DCBLD2: variants seen among roughly 807,000 people sequenced by gnomAD.
DCBLD2 encodes the protein discoidin, CUB and LCCL domain-containing protein 2.
DCBLD2 carries 54 observed loss-of-function variants against 86.8 expected under a neutral mutation model. The observed-to-expected ratio is 0.62, with a 90% CI of 0.50 to 0.78. The LOEUF (loss-of-function observed/expected upper bound fraction) is 0.78, where lower values mean the gene tolerates loss of function less well. Ranked by LOEUF, DCBLD2 falls within the 30% of genes least tolerant of loss-of-function variation. The pLI is 0.00. For missense variants in DCBLD2, 908 were observed against 954.2 expected (o/e 0.95, Z 0.64); for synonymous variants, 354 against 341.3 (o/e 1.04, Z -0.41).
intron 3 of DCBLD2, among the ~76,000 whole-genome samples, chr3:98,838,407 T>C (rs1201107309): frequency 4.1e-5 from 4 of 97,804 alleles, no homozygotes; most frequent in African/African-American, 1.2e-4. Context: ...ACATCCCAGA[T>C]GGGGCGGCGG....
chr3:98,813,724 T>C (rs1941979248), intron 9 of DCBLD2: 2 of 152,174 alleles, frequency 1.3e-5, no homozygotes, highest in Non-Finnish European at 2.9e-5. Context: ...AAATAATCCC[T>C]AGGTAAAAAT....
At chr3:98,863,719 G>C (rs1943088667) in intron 2 of DCBLD2, among the ~76,000 whole-genome samples, 1 of 152,078 alleles carries the variant, frequency 6.6e-6, no homozygotes, top group African/African-American at 2.4e-5. Flanking sequence ...AACTCAAGAT[G>C]GATTAAAGAC....
At chr3:98,877,248 T>A (rs1943388130) in intron 2 of DCBLD2, among the ~76,000 whole-genome samples, 1 of 152,030 alleles carries the variant, frequency 6.6e-6, no homozygotes, top group Non-Finnish European at 1.5e-5. Context: ...TTCAAATGAG[T>A]AACATAACCA....
At chr3:98,839,919 C>A (rs1177484925) in intron 3 of DCBLD2, among the ~76,000 whole-genome samples, 1 of 152,132 alleles carries the variant, frequency 6.6e-6, no homozygotes, top group Non-Finnish European at 1.5e-5. Context: ...CTCTTAAAAT[C>A]GGTGAGGGAG....
At chr3:98,900,672 G>C (rs189492849) in intron 1 of DCBLD2, 6 of 182,508 alleles carry the variant, frequency 3.3e-5, no homozygotes, top group Admixed American at 2.8e-4. Flanking sequence ...TATTCCATTC[G>C]CTTCAGAACC....
chr3:98,901,369 C>A lies in DCBLD2; in HGVS notation c.-43G>T. 1.5e-5 allele frequency: 19 copies of A among 1,279,732 alleles called. No homozygotes were observed. The highest frequency in any genetic ancestry group is 1.8e-5 in the Non-Finnish European group (18 of 1,020,044). 79.3% of individuals were successfully genotyped at this position (1,279,732 alleles called of 1,614,324 possible). A position where few individuals can be genotyped will look rare whatever the true frequency, so the allele number is the denominator to read the frequency against. On this transcript the variant is annotated 5_prime_UTR_variant, in exon 1 of 16. Transcript: ENST00000326840. ...TGCCTGCATAGTGCGGGTGCCTCGG[C>A]AGCCCCGCGCGCCTCTGGCCGCGGC...
At chr3:98,808,489 T>A (rs1160097601) in intron 12 of DCBLD2, among the ~76,000 whole-genome samples, 2 of 152,180 alleles carry the variant, frequency 1.3e-5, no homozygotes, top group Non-Finnish European at 2.9e-5. Flanking sequence ...AGAGTTACTT[T>A]AAATAATTAT....
At chr3:98,838,452 G>C (rs1304063904) in intron 3 of DCBLD2, among the ~76,000 whole-genome samples, 4 of 136,336 alleles carry the variant, frequency 2.9e-5, no homozygotes, top group Admixed American at 7.3e-5. Flanking sequence ...GACGATGGGC[G>C]GCCGGGCAGA....
At chr3:98,853,365 T>C (rs936822682) in intron 2 of DCBLD2, among the ~76,000 whole-genome samples, 8 of 152,240 alleles carry the variant, frequency 5.3e-5, no homozygotes, top group Admixed American at 1.3e-4. Context: ...TTCTAAGTGG[T>C]TGTCCTTAAG....
At chr3:98,893,384 A>G (rs1559802750) in intron 1 of DCBLD2, among the ~76,000 whole-genome samples, 1 of 147,216 alleles carries the variant, frequency 6.8e-6, no homozygotes, top group South Asian at 2.1e-4. Flanking sequence ...TGTAGTAAGA[A>G]AAAAAAAAAA....
chr3:98,886,964 C>T (rs1943575054), intron 1 of DCBLD2, among the ~76,000 whole-genome samples: 1 of 151,824 alleles, frequency 6.6e-6, no homozygotes, highest in African/African-American at 2.4e-5. Flanking sequence ...TAAGTATGTG[C>T]TTGTGATGCT....
At chr3:98,842,253 G>C (rs1942635031) in intron 3 of DCBLD2, among the ~76,000 whole-genome samples, 1 of 152,064 alleles carries the variant, frequency 6.6e-6, no homozygotes, top group African/African-American at 2.4e-5. Flanking sequence ...TTCTCATCTT[G>C]TCAATAGCCT....
At chr3:98,889,039 A>G (rs933269897) in intron 1 of DCBLD2, among the ~76,000 whole-genome samples, 1 of 151,928 alleles carries the variant, frequency 6.6e-6, no homozygotes. Context: ...TCCTGGCCTC[A>G]CTTCTTTCTC....
intron 2 of DCBLD2, among the ~76,000 whole-genome samples, chr3:98,878,703 G>A (rs972560400): frequency 2.0e-5 from 3 of 152,234 alleles, no homozygotes; most frequent in South Asian, 2.1e-4. Flanking sequence ...GTGGGTATAC[G>A]GTAGGTGTGA....
At chr3:98,887,880 G>C (rs1320513473) in intron 1 of DCBLD2, among the ~76,000 whole-genome samples, 2 of 151,840 alleles carry the variant, frequency 1.3e-5, no homozygotes, top group African/African-American at 2.4e-5. Context: ...GTTCACTCCT[G>C]GTGTACATTC....
At chr3:98,807,191 GACTC>G (rs1183251374) in intron 13 of DCBLD2, among the ~76,000 whole-genome samples, 1 of 152,168 alleles carries the variant, frequency 6.6e-6, no homozygotes, top group Non-Finnish European at 1.5e-5. Flanking sequence ...TACATGCGAT[GACTC>G]ACTATTTTGC....
At position 98,838,540 on chromosome 3, in the gene DCBLD2, G is replaced by C. The variant is rs1006448528; in HGVS notation, c.571+10921C>G. Among the ~76,000 whole-genome samples the C allele has an allele frequency of 7.4e-3, 1,081 of 146,076 alleles. 23 individuals carry two copies. Among genetic ancestry groups the C allele is most frequent in the African/African-American group, 0.026 (1,031 of 39,572 alleles). ...TTCCTAGATGGGATGGCGGCCGGGC[G>C]GAGACGCTCCTCACTTTCCAGACTG... On this transcript the variant is annotated intron_variant, in intron 3 of 15. Coordinates refer to ENST00000326840, the MANE Select transcript of DCBLD2 (RefSeq NM_080927.4).
chr3:98,844,040 A>G (rs1342411073), intron 3 of DCBLD2, among the ~76,000 whole-genome samples: 5 of 147,640 alleles, frequency 3.4e-5, no homozygotes, highest in African/African-American at 1.0e-4. Context: ...GCATGCACAC[A>G]CACACACACA....
intron 13 of DCBLD2, among the ~76,000 whole-genome samples, chr3:98,802,616 T>C (rs187732940): frequency 6.6e-6 from 1 of 152,190 alleles, no homozygotes; most frequent in Admixed American, 6.5e-5. Flanking sequence ...GTTTTAGACA[T>C]GAAGTCCATG....
Sources: gnomAD v4.1 joint callset for allele counts (sites outside exome capture counted in the v4.1 genomes callset) on GRCh38, gnomAD v4.1.1 for gene constraint, MANE v1.5 for transcripts, NCBI Gene and HGNC (gene_info 2026-07-23, HGNC 2026-07-21) for gene names.